PAWR: variants seen among roughly 807,000 people sequenced by gnomAD.
The protein encoded by PAWR is pro-apoptotic WT1 regulator, also known as PRKC apoptosis WT1 regulator protein.
Under a neutral mutation model 32.0 loss-of-function variants are expected in PAWR, and 23 were observed. That is an observed-to-expected ratio of 0.72 (90% confidence interval 0.52 to 1.02). PAWR has a LOEUF of 1.02. Among genes scored for constraint, PAWR ranks in the 50% least tolerant of loss-of-function variants. The probability of loss-of-function intolerance (pLI) is 0.00; values close to 1 mark genes in which losing one functional copy is unlikely to be tolerated. For synonymous variants in PAWR, 226 were observed against 187.1 expected, an observed-to-expected ratio of 1.21 and a Z score of -1.70; for missense variants, 457 against 437.7, an observed-to-expected ratio of 1.04 and a Z score of -0.39.
In PAWR at chr12:79,690,044, G is replaced by T; in HGVS notation, c.201C>A (p.Asn67Lys). 1 of 1,356,268 alleles carries T rather than the reference G, an allele frequency of 7.4e-7. No individual in the cohort carries two copies. Among genetic ancestry groups the T allele is most frequent in the South Asian group, 1.8e-5 (1 of 54,428 alleles). 84.0% of individuals were successfully genotyped at this position (1,356,268 alleles called of 1,614,324 possible). ...CGCCCGGGAGGTTGTTGTTGAGCTCGTTGGCAGCGGCGGCCGCCGGGGTGC... is the reference window on the plus strand; with the variant it reads ...CGCCCGGGAGGTTGTTGTTGAGCTCTTTGGCAGCGGCGGCCGCCGGGGTGC... ...ALGTPAAAAA[N>K]ELNNNLPGGA... Residue 67 changes from asparagine to lysine, a missense_variant, in exon 2 of 7, where the codon AAC (asparagine) becomes AAA (lysine). Coordinates refer to ENST00000328827, the MANE Select transcript of PAWR (RefSeq NM_002583.4).
At position 79,586,721 on chromosome 12, in the gene PAWR, C is replaced by T. The variant is rs1002321774; in HGVS notation, c.*5886G>A. 3 of 152,134 alleles carry T rather than the reference C, an allele frequency of 2.0e-5. No homozygotes were observed. The highest frequency in any genetic ancestry group is 2.1e-4 in the South Asian group (1 of 4,834). The allele number at this position is 152,134 out of a possible 1,614,324, so 9.4% of individuals were successfully genotyped here. On this transcript the variant is annotated 3_prime_UTR_variant, in exon 7 of 7. Coordinates refer to ENST00000328827, the MANE Select transcript of PAWR (RefSeq NM_002583.4). ...GTTTTCATGTTGTTCAACTATTTGA[C>T]ACAAAAGGAGCTTTTTCCTTTCTTT... is the stretch of plus-strand genomic sequence containing the variant.
rs142906355 is a variant in PAWR at position 79,657,875 on chromosome 12, T to C, written c.516+31854A>G. 3.8e-3 allele frequency among the ~76,000 whole-genome samples: 569 copies of C among 151,326 alleles called. 2 individuals carry two copies. Among genetic ancestry groups the C allele is most frequent in the African/African-American group, 0.011 (433 of 41,214 alleles). On this transcript the variant is annotated intron_variant, in intron 2 of 6. Transcript: ENST00000328827. Reference sequence around the variant, plus strand: ...ATTTAAGGAAGTAATAAAACAGAGATTATGAAGGAATGTCCAAAGAATTGG... The same window carrying C: ...ATTTAAGGAAGTAATAAAACAGAGACTATGAAGGAATGTCCAAAGAATTGG...
rs974797631 is a variant in PAWR at position 79,584,937 on chromosome 12, G to A, written c.*7670C>T. The A allele has an allele frequency of 4.1e-5, 8 of 197,514 alleles. No homozygotes were observed. Among genetic ancestry groups the A allele is most frequent in the Admixed American group, 1.2e-4 (2 of 16,612 alleles). 12.2% of individuals were successfully genotyped at this position (197,514 alleles called of 1,614,324 possible). On this transcript the variant is annotated 3_prime_UTR_variant, in exon 7 of 7. Transcript: ENST00000328827. The stretch of plus-strand genomic sequence containing the variant: ...CAAGTCTTAAAAGTTTGATGAAAGC[G>A]CATTATTGTTACCAAAAGTCTTCAG...
At position 79,591,328 on chromosome 12, in the gene PAWR, A is replaced by G. The variant is rs143634879; in HGVS notation, c.*1279T>C. Reference sequence around the variant, plus strand: ...ATAAAAGGGCTTGGCAAGTGAAGGAAAAAGTCAGTAGAGTACCTAAAATGG... The same window carrying G: ...ATAAAAGGGCTTGGCAAGTGAAGGAGAAAGTCAGTAGAGTACCTAAAATGG... On this transcript the variant is annotated 3_prime_UTR_variant, in exon 7 of 7. Transcript: ENST00000328827. 2.0e-5 allele frequency: 3 copies of G among 152,330 alleles called. No homozygotes were observed. In the East Asian group the frequency reaches 5.8e-4, roughly 29 times the overall value. 9.4% of individuals were successfully genotyped at this position (152,330 alleles called of 1,614,324 possible).
chr12:79,665,015 A>G (rs1455315634), intron 2 of PAWR, among the ~76,000 whole-genome samples: 2 of 152,204 alleles, frequency 1.3e-5, no homozygotes, highest in East Asian at 1.9e-4. Flanking sequence ...AACAATAGTT[A>G]TATTTTAAGG....
intron 4 of PAWR, among the ~76,000 whole-genome samples, chr12:79,608,037 A>T: frequency 6.6e-6 from 1 of 151,832 alleles, no homozygotes; most frequent in African/African-American, 2.4e-5. Context: ...CGACAAGAGC[A>T]AAACTCGGAC....
chr12:79,689,992 CG>C lies in PAWR; in HGVS notation c.252del (p.Gly85ValfsTer5). On this transcript the variant is annotated frameshift_variant, in exon 2 of 7. Coordinates refer to ENST00000328827, the MANE Select transcript of PAWR (RefSeq NM_002583.4). LOFTEE classifies it high-confidence loss of function. Reference sequence around the variant, plus strand: ...ACCGCGCAGTTCACGCCCCCGGGACCGGGGACGGCAGGTGCGGCCGGCGCGC... The same window carrying C: ...ACCGCGCAGTTCACGCCCCCGGGACCGGGACGGCAGGTGCGGCCGGCGCGC... Reference protein sequence around the residue: ...PGGAPAAPAVPGPGGVNCAVG... With the variant: ...PGGAPAAPAVXGPGGVNCAVG... 2 of 1,313,276 alleles carry C rather than the reference CG, an allele frequency of 1.5e-6. No homozygotes were observed. The highest frequency in any genetic ancestry group is 9.6e-7 in the Non-Finnish European group (1 of 1,037,320). 81.4% of individuals were successfully genotyped at this position (1,313,276 alleles called of 1,614,324 possible). A position where few individuals can be genotyped will look rare whatever the true frequency, so the allele number is the denominator to read the frequency against.
chr12:79,638,329 T>C (rs1311223926), intron 2 of PAWR, among the ~76,000 whole-genome samples: 1 of 152,172 alleles, frequency 6.6e-6, no homozygotes, highest in African/African-American at 2.4e-5. Flanking sequence ...TTCACTGATG[T>C]TGTCTGTCAA....
intron 2 of PAWR, among the ~76,000 whole-genome samples, chr12:79,684,413 G>A (rs535840316): frequency 2.6e-5 from 4 of 151,948 alleles, no homozygotes. Flanking sequence ...AAGTTTGAGA[G>A]CAGCCTGGCC....
intron 2 of PAWR, among the ~76,000 whole-genome samples, chr12:79,681,816 A>G (rs1285856158): frequency 6.6e-6 from 1 of 152,214 alleles, no homozygotes; most frequent in East Asian, 1.9e-4. Context: ...TGAAACCTAA[A>G]AGTAACTTCT....
At chr12:79,612,978 G>A (rs1874510430) in intron 4 of PAWR, among the ~76,000 whole-genome samples, 1 of 152,148 alleles carries the variant, frequency 6.6e-6, no homozygotes, top group Admixed American at 6.5e-5. Context: ...TTAATGAGAT[G>A]GAGCCCTTGG....
chr12:79,593,421 A>T (rs1388276521), intron 6 of PAWR, among the ~76,000 whole-genome samples: 1 of 152,144 alleles, frequency 6.6e-6, no homozygotes. Context: ...CCTTGTCCCA[A>T]ACACACAACC....
chr12:79,603,824 G>A (rs71463824), intron 4 of PAWR: 1,520 of 151,910 alleles, frequency 0.01, 7 homozygotes, highest in Middle Eastern at 0.02. Flanking sequence ...ACAGGCGCCC[G>A]CCACCACGCC....
Position 79,587,861 on chromosome 12 carries a change from A to T in PAWR, c.*4746T>A, listed in dbSNP as rs1873430939. 1 of 152,020 alleles carries T rather than the reference A, an allele frequency of 6.6e-6. No homozygotes were observed. 9.4% of individuals were successfully genotyped at this position (152,020 alleles called of 1,614,324 possible). ...TGCAAATTGAAAGTGAATCTATATT[A>T]AGTTGACTATTCCACAATAAAAACC... On this transcript the variant is annotated 3_prime_UTR_variant, in exon 7 of 7. Coordinates refer to ENST00000328827, the MANE Select transcript of PAWR (RefSeq NM_002583.4).
At chr12:79,626,163 T>TAAAAAAAAAAAAAAAAAA (rs565157190) in intron 2 of PAWR, among the ~76,000 whole-genome samples, 1 of 82,132 alleles carries the variant, frequency 1.2e-5, no homozygotes, top group African/African-American at 3.6e-5. Context: ...GACTCCATCT[T>TAAAAAAAAAAAAAAAAAA]AAAAAAAAAA....
intron 2 of PAWR, among the ~76,000 whole-genome samples, chr12:79,650,243 A>G (rs1280112214): frequency 1.3e-5 from 2 of 152,216 alleles, no homozygotes; most frequent in African/African-American, 4.8e-5. Flanking sequence ...TATTTAAAGC[A>G]TTTCATTTTA....
intron 3 of PAWR, among the ~76,000 whole-genome samples, chr12:79,618,333 T>C (rs1311048210): frequency 1.3e-5 from 2 of 152,166 alleles, no homozygotes; most frequent in East Asian, 3.9e-4. Context: ...TTTGTCATGT[T>C]GGCCAGGCTA....
intron 4 of PAWR, chr12:79,604,580 T>G (rs1874094153): frequency 7.8e-7 from 1 of 1,275,342 alleles, no homozygotes. Flanking sequence ...GTACAGGATA[T>G]ATTCTGAAAT....
Position 79,586,736 on chromosome 12 carries a change from T to C in PAWR, c.*5871A>G, listed in dbSNP as rs541153052. On this transcript the variant is annotated 3_prime_UTR_variant, in exon 7 of 7. Coordinates refer to ENST00000328827, the MANE Select transcript of PAWR (RefSeq NM_002583.4). ...AACTATTTGACACAAAAGGAGCTTT[T>C]TCCTTTCTTTAAAAGGATTTTGATT... 3.9e-5 allele frequency: 6 copies of C among 152,326 alleles called. No individual in the cohort carries two copies. In the South Asian group the frequency reaches 1.2e-3, roughly 32 times the overall value. The allele number at this position is 152,326 out of a possible 1,614,324, so 9.4% of individuals were successfully genotyped here.
Sources: allele counts gnomAD v4.1 joint callset (sites outside exome capture counted in the v4.1 genomes callset), GRCh38; gene constraint gnomAD v4.1.1; transcripts MANE v1.5; gene names NCBI Gene and HGNC (gene_info 2026-07-23, HGNC 2026-07-21).